The following DLG2 variants were observed in gnomAD, a reference collection of about 807,000 sequenced individuals.
The protein encoded by DLG2 is disks large homolog 2.
A neutral mutation model predicts 132.5 loss-of-function variants in DLG2; 45 were observed. The observed-to-expected ratio is 0.34, with a 90% confidence interval of 0.27 to 0.44. The LOEUF (loss-of-function observed/expected upper bound fraction) is 0.44, where lower values mean the gene tolerates loss of function less well. DLG2 is among the 20% of genes least tolerant of loss of function. DLG2 has a pLI of 1.00. For synonymous variants in DLG2, 424 were observed against 419.6 expected, an observed-to-expected ratio of 1.01 and a Z score of -0.13; for missense variants, 1,045 against 1,196.9, an observed-to-expected ratio of 0.87 and a Z score of 1.87.
chr11:83,916,788 C>T (rs1335921288), intron 15 of DLG2, among the ~76,000 whole-genome samples: 1 of 152,100 alleles, frequency 6.6e-6, no homozygotes, highest in Non-Finnish European at 1.5e-5. Context: ...CTATGATAGG[C>T]CATGTTTCTT....
intron 6 of DLG2, among the ~76,000 whole-genome samples, chr11:84,589,716 G>A (rs1162525814): frequency 6.6e-6 from 1 of 152,152 alleles, no homozygotes; most frequent in Admixed American, 6.5e-5. Context: ...TTTGCCAGAA[G>A]TTTTGAGGAC....
At chr11:85,134,528 CAAA>C (rs58266385) in intron 5 of DLG2, among the ~76,000 whole-genome samples, 294 of 34,860 alleles carry the variant, frequency 8.4e-3, no homozygotes, top group African/African-American at 0.027. Context: ...GACTCCGTCT[CAAA>C]AAAAAAAAAA....
intron 7 of DLG2, among the ~76,000 whole-genome samples, chr11:84,421,165 A>C (rs573930266): frequency 4.8e-4 from 73 of 152,160 alleles, no homozygotes; most frequent in Non-Finnish European, 8.5e-4. Context: ...TGAACCAGGA[A>C]GTGAGCTCTC....
intron 7 of DLG2, among the ~76,000 whole-genome samples, chr11:84,529,286 C>G (rs1362811290): frequency 6.6e-6 from 1 of 152,104 alleles, no homozygotes; most frequent in East Asian, 1.9e-4. Context: ...CCTGGAAATC[C>G]TAGACAAAGC....
At chr11:84,264,298 A>G (rs986111585) in intron 7 of DLG2, among the ~76,000 whole-genome samples, 12 of 152,166 alleles carry the variant, frequency 7.9e-5, no homozygotes, top group African/African-American at 2.9e-4. Flanking sequence ...CTAGCCCCAC[A>G]GCTGTTCTAG....
At chr11:83,770,015 G>A (rs1195873057) in intron 18 of DLG2, among the ~76,000 whole-genome samples, 1 of 152,096 alleles carries the variant, frequency 6.6e-6, no homozygotes, top group East Asian at 1.9e-4. Flanking sequence ...CTTAACACTG[G>A]CAATAACCCG....
At chr11:83,979,352 C>T (rs1033654665) in intron 12 of DLG2, among the ~76,000 whole-genome samples, 16 of 152,136 alleles carry the variant, frequency 1.1e-4, no homozygotes, top group Non-Finnish European at 1.3e-4. Context: ...ATAATGGCTC[C>T]TTGCAGACAG....
At chr11:84,438,582 A>T (rs1425304006) in intron 7 of DLG2, among the ~76,000 whole-genome samples, 1 of 152,228 alleles carries the variant, frequency 6.6e-6, no homozygotes, top group Non-Finnish European at 1.5e-5. Context: ...CTTTTAAATC[A>T]TGCTCCTTTG....
At chr11:84,577,614 T>A (rs1031933989) in intron 6 of DLG2, among the ~76,000 whole-genome samples, 1 of 152,108 alleles carries the variant, frequency 6.6e-6, no homozygotes, top group Non-Finnish European at 1.5e-5. Flanking sequence ...CGGAAAAAAA[T>A]TTTAAGCAGC....
chr11:85,341,139 G>C (rs2082468254), intron 3 of DLG2, among the ~76,000 whole-genome samples: 1 of 101,326 alleles, frequency 9.9e-6, no homozygotes, highest in Admixed American at 9.6e-5. Flanking sequence ...TGTTTTTTGA[G>C]ACAGAGCCTC....
chr11:85,050,044 T>C (rs1404545854), intron 6 of DLG2, among the ~76,000 whole-genome samples: 3 of 151,284 alleles, frequency 2.0e-5, no homozygotes, highest in Non-Finnish European at 4.4e-5. Context: ...GTCTTTCCAA[T>C]TGTCAGAACC....
chr11:85,359,128 C>G (rs1054694075), intron 3 of DLG2, among the ~76,000 whole-genome samples: 1 of 152,208 alleles, frequency 6.6e-6, no homozygotes, highest in East Asian at 1.9e-4. Flanking sequence ...ATAATTTACA[C>G]AGTCTCATTA....
intron 6 of DLG2, among the ~76,000 whole-genome samples, chr11:84,919,807 T>G: frequency 6.6e-6 from 1 of 152,224 alleles, no homozygotes; most frequent in East Asian, 1.9e-4. Flanking sequence ...TGCAACAAGC[T>G]TCCTGCATAT....
At chr11:85,456,894 T>C (rs1359742269) in intron 3 of DLG2, among the ~76,000 whole-genome samples, 2 of 152,116 alleles carry the variant, frequency 1.3e-5, no homozygotes, top group Non-Finnish European at 2.9e-5. Context: ...TTGTGCCATG[T>C]GGTGATGAGA....
At chr11:84,350,805 T>C (rs2098562168) in intron 7 of DLG2, among the ~76,000 whole-genome samples, 1 of 152,208 alleles carries the variant, frequency 6.6e-6, no homozygotes, top group Admixed American at 6.5e-5. Context: ...GAACAAATGG[T>C]ATTAATGGAA....
intron 11 of DLG2, among the ~76,000 whole-genome samples, chr11:84,002,035 C>A (rs2094374604): frequency 6.6e-6 from 1 of 152,006 alleles, no homozygotes; most frequent in Non-Finnish European, 1.5e-5. Context: ...AACCCATCCC[C>A]AAATTAACCG....
intron 20 of DLG2, among the ~76,000 whole-genome samples, chr11:83,540,848 A>G (rs994265002): frequency 8.5e-5 from 13 of 152,260 alleles, no homozygotes; most frequent in African/African-American, 3.1e-4. Context: ...ATTTTGTACT[A>G]TATCTAGTCT....
chr11:83,587,464 T>C (rs1311165231), intron 19 of DLG2, among the ~76,000 whole-genome samples: 1 of 152,196 alleles, frequency 6.6e-6, no homozygotes, highest in Non-Finnish European at 1.5e-5. Flanking sequence ...AGAGATAAGA[T>C]ATTGCCATGT....
intron 18 of DLG2, among the ~76,000 whole-genome samples, chr11:83,659,017 C>T (rs2073515968): frequency 6.6e-6 from 1 of 151,892 alleles, no homozygotes. Flanking sequence ...ATATGGTACT[C>T]TCACTTACTG....
Sources: allele counts gnomAD v4.1 joint callset (sites outside exome capture counted in the v4.1 genomes callset), GRCh38; gene constraint gnomAD v4.1.1; transcripts MANE v1.5; gene names NCBI Gene and HGNC (gene_info 2026-07-23, HGNC 2026-07-21).